Variants in COL17A1 observed in about 807,000 individuals in gnomAD.
The protein encoded by COL17A1 is collagen alpha-1(XVII) chain.
COL17A1 carries 181 observed loss-of-function variants against 218.4 expected under a neutral mutation model. That is an observed-to-expected ratio of 0.83 (90% CI 0.73 to 0.94). The LOEUF is 0.94. Among genes scored for constraint, COL17A1 ranks in the 40% least tolerant of loss-of-function variants. The pLI is 0.00. For synonymous variants in COL17A1, 721 were observed against 731.0 expected, an observed-to-expected ratio of 0.99 and a Z score of 0.22; for missense variants, 1,924 against 1,945.9, an observed-to-expected ratio of 0.99 and a Z score of 0.21.
At chr10:104,059,528 G>T in intron 15 of COL17A1, 110 bp downstream of exon 15, 1 of 953,052 alleles carries the variant, frequency 1.0e-6, no homozygotes, top group Non-Finnish European at 1.7e-6. Flanking sequence ...AGGTGTGGCT[G>T]ATGCTGCTGG....
intron 23 of COL17A1, among the ~76,000 whole-genome samples, 179 bp from the exon 24 acceptor site, chr10:104,052,396 T>C (rs1209463453): frequency 4.6e-5 from 7 of 152,168 alleles, no homozygotes; most frequent in African/African-American, 1.7e-4. Flanking sequence ...AGAGACTTTA[T>C]AGTCTATGGA....
chr10:104,063,698 C>T (rs372807682), intron 11 of COL17A1, 49 bp downstream of exon 11: 3 of 1,612,672 alleles, frequency 1.9e-6, no homozygotes, highest in African/African-American at 1.3e-5. Flanking sequence ...CATCCTAACA[C>T]TTCTATGCAA....
chr10:104,047,521 T>TGG (rs2086424291), intron 31 of COL17A1, among the ~76,000 whole-genome samples: 2 of 152,162 alleles, frequency 1.3e-5, no homozygotes, highest in African/African-American at 4.8e-5. Context: ...CCTAACACTA[T>TGG]GGCAGTTCCC....
intron 7 of COL17A1, 135 bp from the exon 8 acceptor site, chr10:104,072,214 T>C: frequency 1.5e-6 from 2 of 1,358,262 alleles, no homozygotes; most frequent in Non-Finnish European, 2.0e-6. Context: ...GAAATCTAGG[T>C]GTGCCCAAGA....
At chr10:104,082,968 T>C (rs1407758188) in intron 1 of COL17A1, among the ~76,000 whole-genome samples, 3 of 152,216 alleles carry the variant, frequency 2.0e-5, no homozygotes, top group African/African-American at 7.2e-5. Context: ...GGATATAACC[T>C]GCTCTAGGCA....
At chr10:104,069,466 G>A (rs949382720) in intron 9 of COL17A1, among the ~76,000 whole-genome samples, 2 of 152,132 alleles carry the variant, frequency 1.3e-5, no homozygotes, top group Non-Finnish European at 2.9e-5. Context: ...GAAAGAATAA[G>A]TCAAATTCTC....
intron 9 of COL17A1, among the ~76,000 whole-genome samples, chr10:104,068,447 A>G (rs1487794456): frequency 1.3e-5 from 2 of 152,242 alleles, no homozygotes; most frequent in Non-Finnish European, 2.9e-5. Context: ...TCATTAATGG[A>G]AACAAATAAT....
chr10:104,081,993 C>G (rs1589580692), intron 1 of COL17A1, among the ~76,000 whole-genome samples: 1 of 152,200 alleles, frequency 6.6e-6, no homozygotes, highest in South Asian at 2.1e-4. Flanking sequence ...CATACTGTGG[C>G]TCTGGGTGAC....
intron 5 of COL17A1, among the ~76,000 whole-genome samples, chr10:104,075,201 C>G (rs989289743): frequency 6.6e-6 from 1 of 152,136 alleles, no homozygotes; most frequent in Non-Finnish European, 1.5e-5. Context: ...CACCTCTTTG[C>G]GAATGGCTTC....
intron 8 of COL17A1, among the ~76,000 whole-genome samples, chr10:104,071,831 G>T (rs902978673): frequency 1.3e-5 from 2 of 152,082 alleles, no homozygotes; most frequent in South Asian, 4.1e-4. Context: ...AGGAACCACG[G>T]TTTACTCAGC....
intron 9 of COL17A1, among the ~76,000 whole-genome samples, chr10:104,067,129 C>T (rs528454312): frequency 4.6e-5 from 7 of 152,122 alleles, no homozygotes; most frequent in South Asian, 2.1e-4. Context: ...CAAGGAGTCC[C>T]GCCAGCTGAG....
At chr10:104,036,407 G>C (rs2134573365) in intron 48 of COL17A1, 85 bp downstream of exon 48, 1 of 1,576,572 alleles carries the variant, frequency 6.3e-7, no homozygotes, top group South Asian at 1.1e-5. Context: ...GGGGTCAGTG[G>C]GGCAATCACA....
At chr10:104,042,794 A>G (rs181826732) in intron 35 of COL17A1, among the ~76,000 whole-genome samples, 188 of 152,352 alleles carry the variant, frequency 1.2e-3, no homozygotes, top group African/African-American at 4.4e-3. Flanking sequence ...TGTGTACTTC[A>G]TTTGTACATA....
intron 11 of COL17A1, among the ~76,000 whole-genome samples, chr10:104,063,372 A>G (rs1300683464): frequency 1.3e-5 from 2 of 152,276 alleles, no homozygotes; most frequent in African/African-American, 2.4e-5. Flanking sequence ...ATCTGAAAGT[A>G]GTTACTCAAT....
At chr10:104,075,870 C>G (rs536013073) in intron 5 of COL17A1, among the ~76,000 whole-genome samples, 2 of 152,342 alleles carry the variant, frequency 1.3e-5, no homozygotes, top group African/African-American at 4.8e-5. Context: ...GAGGACCTCG[C>G]TCAGATGTCC....
rs377675934 is a variant in COL17A1, at chr10:104,074,360, A to G, written c.332-129T>C. On this transcript the variant is annotated intron_variant, in intron 5 of 55. Coordinates refer to ENST00000648076, the MANE Select transcript of COL17A1 (RefSeq NM_000494.4). ...TCAGTGTTTCAGGGGGGAATGAGGTATGCTCTTCAGCATGCATGTCAAAGG... is the reference window on the plus strand; with the variant it reads ...TCAGTGTTTCAGGGGGGAATGAGGTGTGCTCTTCAGCATGCATGTCAAAGG... 1,784 of 1,331,364 alleles carry G rather than the reference A, an allele frequency of 1.3e-3. 27 individuals carry two copies. In the South Asian group the frequency reaches 0.02, roughly 15 times the overall value. The allele number at this position is 1,331,364 out of a possible 1,614,324, so 82.5% of individuals were successfully genotyped here.
chr10:104,077,333 G>T, intron 4 of COL17A1, 89 bp downstream of exon 4: 1 of 982,744 alleles, frequency 1.0e-6, no homozygotes, highest in Non-Finnish European at 1.6e-6. Context: ...TCAAAATTGT[G>T]TCTGCCCTGT....
intron 37 of COL17A1, 64 bp downstream of exon 37, chr10:104,041,421 C>A: frequency 1.2e-6 from 2 of 1,602,298 alleles, no homozygotes; most frequent in Non-Finnish European, 1.7e-6. Context: ...GGCTTCCTCA[C>A]TAAGTGCATT....
intron 1 of COL17A1, among the ~76,000 whole-genome samples, chr10:104,083,277 A>C (rs1221907328): frequency 6.6e-6 from 1 of 152,172 alleles, no homozygotes; most frequent in Admixed American, 6.5e-5. Context: ...GCCCAGGTAC[A>C]TGCCTGAGCC....
Sources: allele counts gnomAD v4.1 joint callset (sites outside exome capture counted in the v4.1 genomes callset), GRCh38; gene constraint gnomAD v4.1.1; transcripts MANE v1.5; gene names NCBI Gene and HGNC (gene_info 2026-07-23, HGNC 2026-07-21).